The following PTCH2 variants were observed in gnomAD, a reference collection of about 807,000 sequenced individuals.
PTCH2 encodes protein patched homolog 2.
Under a neutral mutation model 117.9 loss-of-function variants are expected in PTCH2, and 96 were observed. The observed-to-expected ratio is 0.81, with a 90% CI of 0.69 to 0.96. The LOEUF (loss-of-function observed/expected upper bound fraction) is 0.96. Among genes scored for constraint, PTCH2 ranks in the 50% least tolerant of loss-of-function variants. The pLI, the probability that PTCH2 is intolerant of heterozygous loss-of-function variation, is 0.00. For synonymous variants in PTCH2, 615 were observed against 660.9 expected, an observed-to-expected ratio of 0.93 and a Z score of 1.06; for missense variants, 1,379 against 1,562.5, an observed-to-expected ratio of 0.88 and a Z score of 1.98.
Position 44,828,397 on chromosome 1 carries a change from G to A in PTCH2, c.1608C>T (p.Gly536=). 6.2e-7 allele frequency: 1 copy of A among 1,614,168 alleles called. No individual in the cohort carries two copies. Among genetic ancestry groups the A allele is most frequent in the African/African-American group, 1.3e-5 (1 of 75,066 alleles). The change falls in exon 13 of 22, where the codon GGC becomes GGT. Residue 536 remains glycine, a synonymous_variant. Coordinates refer to ENST00000372192, the MANE Select transcript of PTCH2 (RefSeq NM_003738.5). ...CAAGCATCACGGCTACAAAGGTGCAGCCAACCACTATGGCCGCCTGGGGGA... is the reference window on the plus strand; with the variant it reads ...CAAGCATCACGGCTACAAAGGTGCAACCAACCACTATGGCCGCCTGGGGGA... ...AFSLQAAIVV[G]CTFVAVMLVF...
At position 44,828,124 on chromosome 1, in the gene PTCH2, T is replaced by A; in HGVS notation, c.1777A>T (p.Ile593Phe). Residue 593 changes from isoleucine (I) to phenylalanine (F), a missense_variant, in exon 14 of 22, where the codon ATT (isoleucine) becomes TTT (phenylalanine). By Grantham distance (21) the Ile-to-Phe change is conservative. Transcript: ENST00000372192. ...TGAACTGTGGCAGTGAGGTGGGCAA[T>A]GCCCACTGGTACTGTCCCGTCCCCC... ...ELGDGTVPVG[I>F]AHLTATVQAF... 6.2e-7 allele frequency: 1 copy of A among 1,613,996 alleles called. No individual in the cohort carries two copies. Among genetic ancestry groups the A allele is most frequent in the Non-Finnish European group, 8.5e-7 (1 of 1,180,036 alleles).
rs773172626 is a variant in PTCH2 at position 44,832,321 on chromosome 1, C to T, written c.286G>A (p.Glu96Lys). 1.5e-5 allele frequency: 25 copies of T among 1,614,204 alleles called. No individual in the cohort carries two copies. The highest frequency in any genetic ancestry group is 1.9e-5 in the Non-Finnish European group (23 of 1,180,042). The change falls in exon 3 of 22, where the codon GAG becomes AAG. Residue 96 changes from glutamate (E) to lysine (K), a missense_variant. Glu to Lys is a moderately conservative substitution (Grantham distance 56). Coordinates refer to ENST00000372192, the MANE Select transcript of PTCH2 (RefSeq NM_003738.5). ...AGCTTCTCCTTGGTGTAATGCAGCT[C>T]CTGGCTCACCCGGCTGCCCACTGCC... The part of the protein sequence containing the change: ...WVEVGSRVSQ[E>K]LHYTKEKLGE...
At chr1:44,832,519 G>A (rs1653503498) in intron 2 of PTCH2, among the ~76,000 whole-genome samples, 178 bp from the exon 3 acceptor site, 1 of 152,252 alleles carries the variant, frequency 6.6e-6, no homozygotes, top group Non-Finnish European at 1.5e-5. Context: ...AGGCTTCTGG[G>A]TCCTGGAGCT....
chr1:44,823,064 G>T lies in PTCH2; in HGVS notation c.3357+5C>A, dbSNP rs587776628. The T allele has an allele frequency of 6.2e-7, 1 of 1,612,266 alleles. No homozygotes were observed. The highest frequency in any genetic ancestry group is 2.2e-5 in the East Asian group (1 of 44,822). On this transcript the variant is annotated splice_donor_5th_base_variant and intron_variant, in intron 21 of 21. Transcript: ENST00000372192. This position sits in a 1 kb window ranked among gnomAD's most constrained non-coding sequence, Gnocchi z 5.1. ...GTAGAGGGATGGTGCCGAGGGTGTG[G>T]TCACCTCTGGCGGCGGGCCCAGGAT...
In PTCH2 at chr1:44,830,885, T is replaced by C. The variant is rs1653415995; in HGVS notation, c.776A>G (p.His259Arg). ...ATGGTTGGGGGCACTAGGTGGGCAG[T>C]GGAGGTCATCAGGGTGCAGACAGGG... Reference protein sequence around the residue: ...GRPCLHPDDLHCPPSAPNHHS... With the variant: ...GRPCLHPDDLRCPPSAPNHHS... The change falls in exon 6 of 22, where the codon CAC (histidine) becomes CGC (arginine). Residue 259 changes from histidine (H) to arginine (R), a missense_variant. His to Arg is a conservative substitution (Grantham distance 29). Transcript: ENST00000372192. 6.4e-7 allele frequency: 1 copy of C among 1,572,266 alleles called. No individual in the cohort carries two copies. Among genetic ancestry groups the C allele is most frequent in the Non-Finnish European group, 8.7e-7 (1 of 1,150,698 alleles).
Position 44,826,402 on chromosome 1 carries a change from G to A in PTCH2, c.2977-15C>T, listed in dbSNP as rs748508618. The A allele has an allele frequency of 6.2e-7, 1 of 1,614,092 alleles. No individual in the cohort carries two copies. Among genetic ancestry groups the A allele is most frequent in the East Asian group, 2.2e-5 (1 of 44,882 alleles). Reference sequence around the variant, plus strand: ...AGGACCAGCACCTGAGGGAGACAGGGCTCACAGAGGGCTCCTGGCAGGAGG... The same window carrying A: ...AGGACCAGCACCTGAGGGAGACAGGACTCACAGAGGGCTCCTGGCAGGAGG... On this transcript the variant is annotated splice_polypyrimidine_tract_variant and intron_variant, in intron 18 of 21. Transcript: ENST00000372192. The surrounding 1 kb of genome is among the most constrained non-coding windows in gnomAD (Gnocchi z 5.1).
At chr1:44,832,118 G>GC (rs759597565) in intron 3 of PTCH2, 34 bp downstream of exon 3, 20 of 1,613,472 alleles carry the variant, frequency 1.2e-5, no homozygotes, top group Middle Eastern at 1.6e-4. Flanking sequence ...AGCACGCCTC[G>GC]CCCCCAGCTG....
At chr1:44,820,911 C>G (rs1557640199), downstream of PTCH2, among the ~76,000 whole-genome samples, 1 of 152,170 alleles carries the variant, frequency 6.6e-6, no homozygotes, top group African/African-American at 2.4e-5. Context: ...TGGTTGCACC[C>G]CCTACTCTAG....
intron 19 of PTCH2, among the ~76,000 whole-genome samples, chr1:44,824,117 G>A (rs1449868330): frequency 6.6e-6 from 1 of 152,168 alleles, no homozygotes; most frequent in Non-Finnish European, 1.5e-5. Flanking sequence ...GCCTGAAATA[G>A]TTATTATTTG....
In PTCH2 at chr1:44,822,582, G is replaced by A. The variant is rs2148871210; in HGVS notation, c.3445C>T (p.Leu1149=). Residue 1149 remains leucine (L), a synonymous_variant, in exon 22 of 22, where the codon CTG becomes TTG. Transcript: ENST00000372192. ...GTCACTCTGGCAAAGCTCTGGGGCA[G>A]GGAGGAGGATGCCCCCCACCTAAGC... ...GGLRWGASSS[L]PQSFARVTTS... 6.2e-7 allele frequency: 1 copy of A among 1,614,076 alleles called. No individual in the cohort carries two copies. Among genetic ancestry groups the A allele is most frequent in the Non-Finnish European group, 8.5e-7 (1 of 1,179,964 alleles).
Position 44,823,515 on chromosome 1 carries a change from A to G in PTCH2, c.3115-130T>C, listed in dbSNP as rs954805638. The G allele has an allele frequency of 2.1e-5, 27 of 1,265,662 alleles. No individual in the cohort carries two copies. In the African/African-American group the frequency reaches 3.4e-4, roughly 16 times the overall value. The allele number at this position is 1,265,662 out of a possible 1,614,324, so 78.4% of individuals were successfully genotyped here. A position where few individuals can be genotyped will look rare whatever the true frequency, so the allele number is the denominator to read the frequency against. On this transcript the variant is annotated intron_variant, in intron 19 of 21. Transcript: ENST00000372192. The surrounding 1 kb of genome is among the most constrained non-coding windows in gnomAD (Gnocchi z 5.1). ...ACCAAAGGCTGGGTGAACTAAGTTC[A>G]TGGGAACTGTACAGGGAGCATGCGT...
In PTCH2 at chr1:44,827,043, G is replaced by GA. The variant is rs748351060; in HGVS notation, c.2553dup (p.Pro852SerfsTer16). 83 of 1,613,990 alleles carry GA rather than the reference G, an allele frequency of 5.1e-5. No homozygotes were observed. Among genetic ancestry groups the GA allele is most frequent in the Non-Finnish European group, 5.3e-5 (63 of 1,180,030 alleles). ...AGCCCCATGTAGAAGAGCTCGGGTG[G>GA]AATCAGTCCCTCTCTGTCCACCAGC... On this transcript the variant is annotated frameshift_variant, in exon 17 of 22. Coordinates refer to ENST00000372192, the MANE Select transcript of PTCH2 (RefSeq NM_003738.5). LOFTEE classifies it high-confidence loss of function.
Position 44,822,515 on chromosome 1 carries a change from C to A in PTCH2, c.3512G>T (p.Gly1171Val). Residue 1171 changes from glycine (G) to valine (V), a missense_variant, in exon 22 of 22, where the codon GGT becomes GTT. Physicochemically the swap from Gly to Val is moderately radical, Grantham distance 109. Coordinates refer to ENST00000372192, the MANE Select transcript of PTCH2 (RefSeq NM_003738.5). ...TVAIHPPPLP[G>V]AYIHPAPDEP... The stretch of plus-strand genomic sequence containing the variant: ...ATCAGGGGCTGGATGGATGTAGGCA[C>A]CAGGCAGGGGGGGTGGGTGGATGGC... The A allele has an allele frequency of 1.2e-6, 2 of 1,613,978 alleles. No homozygotes were observed. The highest frequency in any genetic ancestry group is 2.2e-5 in the South Asian group (2 of 91,074).
chr1:44,839,723 G>A (rs370355064), intron 2 of PTCH2, among the ~76,000 whole-genome samples: 9 of 152,172 alleles, frequency 5.9e-5, no homozygotes, highest in Non-Finnish European at 7.3e-5. Flanking sequence ...GTGTATGTGC[G>A]TGTATGCACA....
At position 44,828,208 on chromosome 1, in the gene PTCH2, G is replaced by A; in HGVS notation, c.1710-17C>T. On this transcript the variant is annotated splice_polypyrimidine_tract_variant and intron_variant, in intron 13 of 21. Transcript: ENST00000372192. ...GAGCAGGGACTGGAAGAGGTAGAGAGTGGATGACAGGTCTGTGCCTTGAAA... is the reference window on the plus strand; with the variant it reads ...GAGCAGGGACTGGAAGAGGTAGAGAATGGATGACAGGTCTGTGCCTTGAAA... 6.2e-7 allele frequency: 1 copy of A among 1,613,248 alleles called. No homozygotes were observed. The highest frequency in any genetic ancestry group is 8.5e-7 in the Non-Finnish European group (1 of 1,179,730).
At chr1:44,834,720 A>G (rs1653611075) in intron 2 of PTCH2, among the ~76,000 whole-genome samples, 1 of 152,254 alleles carries the variant, frequency 6.6e-6, no homozygotes, top group Non-Finnish European at 1.5e-5. Context: ...ACCTTAGTTG[A>G]CAAAGATAGA....
At chr1:44,842,769 CTCGGCACT>C in intron 1 of PTCH2, 84 bp downstream of exon 1, 1 of 1,288,272 alleles carries the variant, frequency 7.8e-7, no homozygotes, top group South Asian at 1.3e-5. Flanking sequence ...TCTAATGACA[CTCGGCACT>C]TCAAGACATC....
intron 1 of PTCH2, among the ~76,000 whole-genome samples, chr1:44,842,639 CAG>C (rs1654005239): frequency 6.6e-6 from 1 of 152,210 alleles, no homozygotes; most frequent in Non-Finnish European, 1.5e-5. Context: ...CGGGTGGACA[CAG>C]AGGTGAACCC....
Position 44,843,237 on chromosome 1 carries a change from C to G in PTCH2, c.-305G>C. On this transcript the variant is annotated 5_prime_UTR_variant, in exon 1 of 22. Transcript: ENST00000372192. ...TGCTGGCCCGAGACGCACAGCAGGG[C>G]TCGAGGTGGCAACTGCAGTCCCCGG... is the stretch of plus-strand genomic sequence containing the variant. 2 of 985,412 alleles carry G rather than the reference C, an allele frequency of 2.0e-6. No individual in the cohort carries two copies. The highest frequency in any genetic ancestry group is 2.4e-6 in the Non-Finnish European group (2 of 829,922). The allele number at this position is 985,412 out of a possible 1,614,324, so 61.0% of individuals were successfully genotyped here. A position where few individuals can be genotyped will look rare whatever the true frequency, so the allele number is the denominator to read the frequency against.
Sources: gnomAD v4.1 joint callset for allele counts (sites outside exome capture counted in the v4.1 genomes callset) on GRCh38, gnomAD v4.1.1 for gene constraint, Gnocchi (gnomAD v3.1) non-coding constraint, MANE v1.5 for transcripts, NCBI Gene and HGNC (gene_info 2026-07-23, HGNC 2026-07-21) for gene names.